Variants in EXT1 observed in about 807,000 individuals in gnomAD.
EXT1 encodes exostosin glycosyltransferase 1.
Under a neutral mutation model 82.5 loss-of-function variants are expected in EXT1, and 20 were observed. The observed-to-expected ratio is 0.24, with a 90% confidence interval of 0.17 to 0.35. The LOEUF (loss-of-function observed/expected upper bound fraction) is 0.35, where lower values mean the gene tolerates loss of function less well. Ranked by LOEUF, EXT1 falls within the 10% of genes least tolerant of loss-of-function variation. The pLI is 1.00. For missense variants in EXT1, 757 were observed against 936.5 expected (o/e 0.81, Z 2.50); for synonymous variants, 348 against 350.8 (o/e 0.99, Z 0.09).
chr8:118,064,450 T>A (rs1223377554), intron 1 of EXT1, among the ~76,000 whole-genome samples: 1 of 152,042 alleles, frequency 6.6e-6, no homozygotes, highest in Admixed American at 6.6e-5. Context: ...GTTCCTGTGT[T>A]AGTTTGATGA....
At chr8:117,964,846 C>G (rs560993303) in intron 1 of EXT1, among the ~76,000 whole-genome samples, 18 of 152,140 alleles carry the variant, frequency 1.2e-4, no homozygotes, top group Admixed American at 1.0e-3. Flanking sequence ...CTATAGTGGC[C>G]AGGCTGGTGT....
At position 118,063,158 on chromosome 8, in the gene EXT1, A is replaced by T. The variant is rs541846305; in HGVS notation, c.962+46927T>A. ...CAAATTAGGTGGAAATTCATTTTTT[A>T]AAAAAATAGACAAAGTGGTAGAAAT... On this transcript the variant is annotated intron_variant, in intron 1 of 10. Coordinates refer to ENST00000378204, the MANE Select transcript of EXT1 (RefSeq NM_000127.3). Among the ~76,000 whole-genome samples, 35 of 152,260 alleles carry T rather than the reference A, an allele frequency of 2.3e-4. No individual in the cohort carries two copies. The South Asian group carries it at 6.6e-3, about 29-fold the overall frequency.
intron 10 of EXT1, among the ~76,000 whole-genome samples, chr8:117,804,333 C>A (rs892369446): frequency 3.9e-5 from 6 of 152,128 alleles, no homozygotes; most frequent in African/African-American, 1.4e-4. Context: ...TTGTCAGGCA[C>A]CAAATCTGCT....
intron 1 of EXT1, among the ~76,000 whole-genome samples, chr8:118,008,363 G>A (rs547868606): frequency 3.3e-5 from 5 of 152,142 alleles, no homozygotes; most frequent in South Asian, 2.1e-4. Flanking sequence ...TGGTTCAAGC[G>A]ATTCTCCTGC....
chr8:118,102,982 C>T (rs1416321017), intron 1 of EXT1, among the ~76,000 whole-genome samples: 1 of 152,054 alleles, frequency 6.6e-6, no homozygotes, highest in Non-Finnish European at 1.5e-5. Context: ...GGAGAAACCC[C>T]GTCTCTACTA....
At chr8:117,860,372 A>G (rs933909425) in intron 1 of EXT1, among the ~76,000 whole-genome samples, 7 of 152,054 alleles carry the variant, frequency 4.6e-5, no homozygotes, top group African/African-American at 1.7e-4. Context: ...TGGAAGGGGG[A>G]TGAGAGAAGA....
At chr8:118,022,326 C>CTTTTTTTTTT (rs71307420) in intron 1 of EXT1, among the ~76,000 whole-genome samples, 6 of 46,196 alleles carry the variant, frequency 1.3e-4, no homozygotes, top group Non-Finnish European at 2.5e-4. Context: ...CATATATATT[C>CTTTTTTTTTT]TTTTTTTTTT....
chr8:118,063,859 C>CTTAA (rs1252527487), intron 1 of EXT1, among the ~76,000 whole-genome samples: 2 of 151,662 alleles, frequency 1.3e-5, no homozygotes, highest in Non-Finnish European at 2.9e-5. Context: ...TATTTATTTA[C>CTTAA]TTATTTATTT....
intron 1 of EXT1, among the ~76,000 whole-genome samples, chr8:117,875,913 C>A (rs558022073): frequency 6.6e-6 from 1 of 152,106 alleles, no homozygotes; most frequent in East Asian, 1.9e-4. Context: ...ACCCTCCAGG[C>A]AGGGAAGAGG....
At chr8:117,922,924 C>T (rs1813883858) in intron 1 of EXT1, among the ~76,000 whole-genome samples, 1 of 152,214 alleles carries the variant, frequency 6.6e-6, no homozygotes, top group South Asian at 2.1e-4. Context: ...CTTTCTAATG[C>T]TAGTACTGCC....
chr8:117,883,127 G>C (rs1239329770), intron 1 of EXT1, among the ~76,000 whole-genome samples: 2 of 152,094 alleles, frequency 1.3e-5, no homozygotes, highest in South Asian at 4.1e-4. Flanking sequence ...GAATACTAAT[G>C]CATACTCAAT....
intron 1 of EXT1, among the ~76,000 whole-genome samples, chr8:118,005,841 C>T (rs531401785): frequency 6.6e-6 from 1 of 152,280 alleles, no homozygotes; most frequent in South Asian, 2.1e-4. Flanking sequence ...ATTACAGAGT[C>T]TTCACTTTAC....
chr8:117,838,239 T>TTTGACAGTAGCA (rs1812218593), intron 1 of EXT1, among the ~76,000 whole-genome samples: 2 of 152,194 alleles, frequency 1.3e-5, no homozygotes, highest in East Asian at 3.8e-4. Context: ...CAGGTGTGAC[T>TTTGACAGTAGCA]TTGACAGTAG....
chr8:117,971,988 T>A (rs998599351), intron 1 of EXT1, among the ~76,000 whole-genome samples: 1 of 151,922 alleles, frequency 6.6e-6, no homozygotes, highest in East Asian at 1.9e-4. Context: ...CTGTTTCTTC[T>A]AAAAATACAA....
chr8:118,008,965 G>A (rs918926270), intron 1 of EXT1, among the ~76,000 whole-genome samples: 3 of 152,088 alleles, frequency 2.0e-5, no homozygotes, highest in African/African-American at 4.8e-5. Context: ...TCTTATCTAC[G>A]CAAGTATATC....
chr8:118,104,923 C>T (rs981424683), intron 1 of EXT1, among the ~76,000 whole-genome samples: 3 of 152,184 alleles, frequency 2.0e-5, no homozygotes, highest in Admixed American at 6.5e-5. Flanking sequence ...ATATGCAGTG[C>T]TGCAAAGCGA....
chr8:118,092,650 A>G (rs965251659), intron 1 of EXT1, among the ~76,000 whole-genome samples: 12 of 152,142 alleles, frequency 7.9e-5, no homozygotes. Context: ...GAATACCGGG[A>G]CTAGGGGGAC....
At chr8:118,018,364 G>T (rs1178939067) in intron 1 of EXT1, among the ~76,000 whole-genome samples, 1 of 152,066 alleles carries the variant, frequency 6.6e-6, no homozygotes, top group East Asian at 1.9e-4. Context: ...ATGAAAGCAG[G>T]GATCAGGATG....
At chr8:118,024,717 T>C (rs1364494966) in intron 1 of EXT1, among the ~76,000 whole-genome samples, 2 of 152,054 alleles carry the variant, frequency 1.3e-5, no homozygotes, top group African/African-American at 2.4e-5. Flanking sequence ...GAAGGCTTGT[T>C]TGAGGAATTA....
Sources: gnomAD v4.1 joint callset for allele counts (sites outside exome capture counted in the v4.1 genomes callset) on GRCh38, gnomAD v4.1.1 for gene constraint, MANE v1.5 for transcripts, NCBI Gene and HGNC (gene_info 2026-07-23, HGNC 2026-07-21) for gene names.